ELP1: variants seen among roughly 807,000 people sequenced by gnomAD.
The protein encoded by ELP1 is elongator complex protein 1.
In ELP1, 131 loss-of-function variants were observed where a neutral mutation model predicts 183.2. The ratio of observed to expected loss-of-function variants is 0.72; its 90% CI spans 0.62 to 0.83. The LOEUF is 0.83. Ranked by LOEUF, ELP1 falls within the 40% of genes least tolerant of loss-of-function variation. The probability of loss-of-function intolerance (pLI) is 0.00; values close to 1 mark genes in which losing one functional copy is unlikely to be tolerated. For missense variants in ELP1, 1,550 were observed against 1,594.9 expected (o/e 0.97, Z 0.48); for synonymous variants, 555 against 569.0 (o/e 0.98, Z 0.35).
At chr9:108,926,401 A>G in intron 5 of ELP1, 122 bp downstream of exon 5, 1 of 790,190 alleles carries the variant, frequency 1.3e-6, no homozygotes, top group Non-Finnish European at 2.1e-6. Context: ...ATAGACATTT[A>G]ATAGCTGGGG....
At chr9:108,889,476 G>T in intron 28 of ELP1, 83 bp from the exon 29 acceptor site, 1 of 1,217,780 alleles carries the variant, frequency 8.2e-7, no homozygotes, top group Non-Finnish European at 1.2e-6. Context: ...TCTTTATTAT[G>T]TATGAAACTA....
chr9:108,902,046 T>C (rs1245954409), intron 16 of ELP1, among the ~76,000 whole-genome samples: 1 of 152,222 alleles, frequency 6.6e-6, no homozygotes, highest in East Asian at 1.9e-4. Flanking sequence ...TACTCTGTTA[T>C]TAAAAATCAC....
Position 108,881,704 on chromosome 9 carries a change from C to T in ELP1, c.3346+1G>A, listed in dbSNP as rs760774999. The T allele has an allele frequency of 6.4e-7, 1 of 1,565,580 alleles. No individual in the cohort carries two copies. The stretch of plus-strand genomic sequence containing the variant: ...AATTCTATCTAAAATGGAACCCTCA[C>T]CTTCTAAAATGGAAGGCTTTACGTT... On this transcript the variant is annotated splice_donor_variant, in intron 31 of 36. Transcript: ENST00000374647. LOFTEE classifies it high-confidence loss of function.
intron 6 of ELP1, among the ~76,000 whole-genome samples, chr9:108,920,658 A>C (rs1367726609): frequency 6.6e-6 from 1 of 151,680 alleles, no homozygotes; most frequent in African/African-American, 2.4e-5. Context: ...CTAGAATAAC[A>C]CAACTTAAAA....
rs1419071826 is a variant in ELP1 at position 108,929,852 on chromosome 9, C to T, written c.220G>A (p.Val74Ile). 6.2e-7 allele frequency: 1 copy of T among 1,613,870 alleles called. No homozygotes were observed. The change falls in exon 3 of 37, where the codon GTT becomes ATT. Residue 74 changes from valine (V) to isoleucine (I), a missense_variant. Physicochemically the swap from Val to Ile is conservative, Grantham distance 29 (BLOSUM62 3). Coordinates refer to ENST00000374647, the MANE Select transcript of ELP1 (RefSeq NM_003640.5). Reference sequence around the variant, plus strand: ...GACTCCTGATCCAGCAAGTCCTGAACACCAACAATGCGGCCACTTCCATCC... The same window carrying T: ...GACTCCTGATCCAGCAAGTCCTGAATACCAACAATGCGGCCACTTCCATCC... Reference protein sequence around the residue: ...PEDGSGRIVGVQDLLDQESVC... With the variant: ...PEDGSGRIVGIQDLLDQESVC...
At chr9:108,879,952 T>G (rs1262112120) in intron 32 of ELP1, 100 bp downstream of exon 32, 3 of 810,882 alleles carry the variant, frequency 3.7e-6, no homozygotes, top group Non-Finnish European at 6.5e-6. Context: ...CATGGCACAG[T>G]AATCAGATTG....
At chr9:108,910,071 T>C (rs1187152143) in intron 12 of ELP1, among the ~76,000 whole-genome samples, 1 of 152,190 alleles carries the variant, frequency 6.6e-6, no homozygotes, top group African/African-American at 2.4e-5. Flanking sequence ...CATCATAAAG[T>C]GACATATAAA....
intron 25 of ELP1, 27 bp downstream of exon 25, chr9:108,896,469 T>C (rs770002291): frequency 1.2e-6 from 2 of 1,611,786 alleles, no homozygotes; most frequent in East Asian, 2.2e-5. Flanking sequence ...AAGAACCAAA[T>C]GGCATAAAAG....
chr9:108,911,272 TGGC>T, intron 11 of ELP1, 92 bp from the exon 12 acceptor site: 1 of 1,196,812 alleles, frequency 8.4e-7, no homozygotes, highest in Non-Finnish European at 1.2e-6. Flanking sequence ...TAAACAATAA[TGGC>T]AATTCACAAA....
intron 9 of ELP1, among the ~76,000 whole-genome samples, chr9:108,916,911 G>A (rs1208885160): frequency 6.6e-6 from 1 of 152,036 alleles, no homozygotes; most frequent in Non-Finnish European, 1.5e-5. Context: ...AATCTTAATG[G>A]TATACAAACC....
In ELP1 at chr9:108,893,027, CGTTATACAA is replaced by C; in HGVS notation, c.2908_2916del (p.Leu970_Asn972del). On this transcript the variant is annotated inframe_deletion, in exon 27 of 37. Coordinates refer to ENST00000374647, the MANE Select transcript of ELP1 (RefSeq NM_003640.5). The stretch of plus-strand genomic sequence containing the variant: ...CTTGGTGAATATAACTTCAGAGCTT[CGTTATACAA>C]GTTTTTATCTTTTATCAAGTTTAAG... 1 of 1,613,768 alleles carries C rather than the reference CGTTATACAA, an allele frequency of 6.2e-7. No individual in the cohort carries two copies. The highest frequency in any genetic ancestry group is 8.5e-7 in the Non-Finnish European group (1 of 1,179,738).
rs772800681 is a variant in ELP1, at chr9:108,874,938, G to A, written c.3888C>T (p.Ile1296=). ...VLGPNSTANS[I]MASYQQQKTS... ...TCTTCTGTTGCTGATAAGATGCCATGATACTATTTGCAGTAGAATTGGGAC... is the reference window on the plus strand; with the variant it reads ...TCTTCTGTTGCTGATAAGATGCCATAATACTATTTGCAGTAGAATTGGGAC... Residue 1296 remains isoleucine, a synonymous_variant, in exon 36 of 37, where the codon ATC becomes ATT. Coordinates refer to ENST00000374647, the MANE Select transcript of ELP1 (RefSeq NM_003640.5). 5.6e-6 allele frequency: 9 copies of A among 1,612,626 alleles called. No homozygotes were observed. Among genetic ancestry groups the A allele is most frequent in the Non-Finnish European group, 6.8e-6 (8 of 1,178,874 alleles).
At chr9:108,907,326 C>G (rs1341899480) in intron 13 of ELP1, among the ~76,000 whole-genome samples, 2 of 152,122 alleles carry the variant, frequency 1.3e-5, no homozygotes, top group African/African-American at 4.8e-5. Context: ...ATATTCTAAA[C>G]TGCCTCATAC....
rs1829093766 is a variant in ELP1 at position 108,908,375 on chromosome 9, T to G, written c.1390A>C (p.Lys464Gln). Residue 464 changes from lysine (K) to glutamine (Q), a missense_variant, in exon 13 of 37, where the codon AAA (lysine) becomes CAA (glutamine). Coordinates refer to ENST00000374647, the MANE Select transcript of ELP1 (RefSeq NM_003640.5). ...CCACTTCCACCCACAGCTCCCAGTTTCACTGTAGGGTCAGCACTTGGACAA... is the reference window on the plus strand; with the variant it reads ...CCACTTCCACCCACAGCTCCCAGTTGCACTGTAGGGTCAGCACTTGGACAA... ...GDCPSADPTV[K>Q]LGAVGGSGFK... The G allele has an allele frequency of 4.3e-6, 7 of 1,614,178 alleles. No individual in the cohort carries two copies. The highest frequency in any genetic ancestry group is 5.9e-6 in the Non-Finnish European group (7 of 1,180,014).
At chr9:108,872,824 A>AC (rs1190871085) in intron 36 of ELP1, among the ~76,000 whole-genome samples, 18 of 133,860 alleles carry the variant, frequency 1.3e-4, no homozygotes, top group East Asian at 1.1e-3. Flanking sequence ...AAAAAAAAAA[A>AC]AAAAAAAAAA....
chr9:108,909,484 A>G (rs536512024), intron 12 of ELP1, among the ~76,000 whole-genome samples: 2 of 152,250 alleles, frequency 1.3e-5, no homozygotes, highest in South Asian at 4.1e-4. Context: ...ACTTGACTCC[A>G]AGTTCTTAAT....
At chr9:108,916,139 C>A in intron 10 of ELP1, 65 bp downstream of exon 10, 1 of 1,203,714 alleles carries the variant, frequency 8.3e-7, no homozygotes, top group Non-Finnish European at 1.2e-6. Context: ...GAAGGAAATC[C>A]CATACCTGTC....
intron 8 of ELP1, 80 bp from the exon 9 acceptor site, chr9:108,917,750 C>G (rs1346568656): frequency 7.0e-7 from 1 of 1,427,256 alleles, no homozygotes; most frequent in Non-Finnish European, 9.9e-7. Flanking sequence ...AGTTTTTTTT[C>G]CAGCAAACAT....
At chr9:108,910,919 G>T in intron 12 of ELP1, 91 bp downstream of exon 12, 1 of 1,094,688 alleles carries the variant, frequency 9.1e-7, no homozygotes, top group Non-Finnish European at 1.4e-6. Context: ...AGAAACACTA[G>T]ACCTATGGCA....
Sources: allele counts gnomAD v4.1 joint callset (sites outside exome capture counted in the v4.1 genomes callset), GRCh38; gene constraint gnomAD v4.1.1; transcripts MANE v1.5; gene names NCBI Gene and HGNC (gene_info 2026-07-23, HGNC 2026-07-21).